COL6A1: variants seen among roughly 807,000 people sequenced by gnomAD.
COL6A1 encodes the protein collagen alpha-1(VI) chain.
COL6A1 carries 80 observed loss-of-function variants against 145.6 expected under a neutral mutation model. The ratio of observed to expected loss-of-function variants is 0.55; its 90% CI spans 0.46 to 0.66. The LOEUF (loss-of-function observed/expected upper bound fraction) is 0.66. Ranked by LOEUF, COL6A1 falls within the 30% of genes least tolerant of loss-of-function variation. COL6A1 has a pLI of 0.00. For synonymous variants in COL6A1, 638 were observed against 622.8 expected, an observed-to-expected ratio of 1.02 and a Z score of -0.36; for missense variants, 1,364 against 1,473.8, an observed-to-expected ratio of 0.93 and a Z score of 1.22.
At chr21:45,993,817 G>T (rs888204931) in intron 19 of COL6A1, among the ~76,000 whole-genome samples, 18 of 152,350 alleles carry the variant, frequency 1.2e-4, no homozygotes, top group African/African-American at 4.3e-4. Context: ...CCCAGAGGAA[G>T]GGCCAGCCAC....
chr21:45,998,289 GA>G (rs1289568375), intron 23 of COL6A1, 108 bp from the exon 24 acceptor site: 6 of 1,586,814 alleles, frequency 3.8e-6, no homozygotes, highest in Non-Finnish European at 5.2e-6. Flanking sequence ...GCTGGCCCAG[GA>G]ATTCCATGGC....
rs375831680 is a variant in COL6A1, at chr21:46,003,636, G to A, written c.2710G>A (p.Val904Ile). 4.2e-5 allele frequency: 68 copies of A among 1,613,042 alleles called. No homozygotes were observed. The highest frequency in any genetic ancestry group is 4.9e-5 in the Non-Finnish European group (58 of 1,179,944). The change falls in exon 35 of 35, where the codon GTC becomes ATC. Residue 904 changes from valine (V) to isoleucine (I), a missense_variant. By Grantham distance (29) the Val-to-Ile change is conservative (BLOSUM62 3). This residue lies in a region of COL6A1 where 938 missense variants were observed against 1,003.8 expected (regional missense o/e 0.93). Coordinates refer to ENST00000361866, the MANE Select transcript of COL6A1 (RefSeq NM_001848.3). ...GAACTACACGGCCCTGGCCAGTGCC[G>A]TCGATGCCATGGACTTTATCAACGA... ...LQNYTALASA[V>I]DAMDFINDAT...
At chr21:45,996,097 C>T (rs2077803267) in intron 20 of COL6A1, among the ~76,000 whole-genome samples, 1 of 152,228 alleles carries the variant, frequency 6.6e-6, no homozygotes, top group South Asian at 2.1e-4. Context: ...CAGAAACTGC[C>T]CAGTCTGGCC....
intron 30 of COL6A1, 122 bp downstream of exon 30, chr21:46,001,508 T>C: frequency 5.2e-6 from 7 of 1,348,782 alleles, no homozygotes; most frequent in Non-Finnish European, 7.3e-6. Context: ...ACTTCCCTAC[T>C]CATGACAAGG....
chr21:45,981,987 T>G, intron 1 of COL6A1, 40 bp downstream of exon 1: 1 of 1,498,430 alleles, frequency 6.7e-7, no homozygotes, highest in Non-Finnish European at 9.2e-7. Context: ...GACCCCCCGC[T>G]CTTTGCTGCC....
At chr21:46,003,261 C>G in intron 34 of COL6A1, 112 bp downstream of exon 34, 1 of 1,603,150 alleles carries the variant, frequency 6.2e-7, no homozygotes, top group South Asian at 1.1e-5. Context: ...AGAGTAGGTG[C>G]ATGGCTCACT....
chr21:45,999,057 T>G (rs983976215), intron 25 of COL6A1, 96 bp from the exon 26 acceptor site: 63 of 1,542,512 alleles, frequency 4.1e-5, no homozygotes, highest in Admixed American at 3.3e-4. Context: ...TGGGGAGGCC[T>G]CATGGGCCCC....
chr21:45,984,099 G>T (rs1015450570), intron 2 of COL6A1, among the ~76,000 whole-genome samples, 170 bp from the exon 3 acceptor site: 3 of 152,224 alleles, frequency 2.0e-5, no homozygotes, highest in East Asian at 1.9e-4. Context: ...ACACCCGCCT[G>T]CACAGCCTTC....
Position 46,002,884 on chromosome 21 carries a change from G to A in COL6A1, c.2434+174G>A, listed in dbSNP as rs557099967. Among the ~76,000 whole-genome samples the A allele has an allele frequency of 5.7e-4, 86 of 151,398 alleles. No individual in the cohort carries two copies. The East Asian group carries it at 0.014, about 25-fold the overall frequency. On this transcript the variant is annotated intron_variant, in intron 33 of 34. Transcript: ENST00000361866. The stretch of plus-strand genomic sequence containing the variant: ...CAGATCTGTGTAGGTGCGCGCAGGC[G>A]CCCAGGGCTGTCCCAGAGGCCTCCT...
intron 3 of COL6A1, among the ~76,000 whole-genome samples, chr21:45,984,949 C>G (rs181684258): frequency 6.2e-5 from 9 of 144,564 alleles, no homozygotes; most frequent in Admixed American, 6.1e-4. Context: ...GAGACAGAAA[C>G]AGGGACAGAG....
In COL6A1 at chr21:45,987,022, G is replaced by A. The variant is rs199842980; in HGVS notation, c.667G>A (p.Asp223Asn). ...GGCGGCTGACTGGGGCCAGAGCCGC[G>A]ACGCAGAGGAGGCCATCAGCCAGAC... Reference protein sequence around the residue: ...FTAADWGQSRDAEEAISQTID... With the variant: ...FTAADWGQSRNAEEAISQTID... Residue 223 changes from aspartate (D) to asparagine (N), a missense_variant, in exon 5 of 35, where the codon GAC becomes AAC. By Grantham distance (23) the Asp-to-Asn change is conservative. Around this residue, in one of 3 missense-constraint regions of COL6A1, gnomAD observed 414 missense variants for 437.6 expected, o/e 0.95. Coordinates refer to ENST00000361866, the MANE Select transcript of COL6A1 (RefSeq NM_001848.3). 1.2e-4 allele frequency: 183 copies of A among 1,551,448 alleles called. No homozygotes were observed. In the East Asian group the frequency reaches 1.2e-3, roughly 11 times the overall value.
chr21:45,989,680 G>T (rs1313512016), intron 10 of COL6A1, 28 bp downstream of exon 10: 3 of 1,613,122 alleles, frequency 1.9e-6, no homozygotes, highest in African/African-American at 1.3e-5. Context: ...CCTGGCCCGA[G>T]CCCGGTGGTG....
rs1003735307 is a variant in COL6A1, at chr21:45,989,662, C to CT, written c.903+10_903+11insT. On this transcript the variant is annotated intron_variant, in intron 10 of 34. Transcript: ENST00000361866. ...GTACCAGGGAATGAAGGTACGTGCCCCCCCTTTCCTGGCCCGAGCCCGGTG... is the reference window on the plus strand; with the variant it reads ...GTACCAGGGAATGAAGGTACGTGCCCTCCCCTTTCCTGGCCCGAGCCCGGTG... The CT allele has an allele frequency of 6.2e-7, 1 of 1,613,042 alleles. No individual in the cohort carries two copies. The highest frequency in any genetic ancestry group is 8.5e-7 in the Non-Finnish European group (1 of 1,179,990).
rs2276256 is a variant in COL6A1, at chr21:45,997,781, G to A, written c.1524+19G>A. 1.5e-4 allele frequency: 238 copies of A among 1,569,856 alleles called. No individual in the cohort carries two copies. Among genetic ancestry groups the A allele is most frequent in the Non-Finnish European group, 1.9e-4 (223 of 1,157,930 alleles). ...TGAAAGGGTGAGTGTCCAACAGCTC[G>A]GGCCCTAGGGCGGAGGCCTGGCCGC... On this transcript the variant is annotated intron_variant, in intron 22 of 34. Transcript: ENST00000361866.
intron 9 of COL6A1, 33 bp from the exon 10 acceptor site, chr21:45,989,575 G>T (rs201911843): frequency 6.2e-7 from 1 of 1,609,306 alleles, no homozygotes; most frequent in Non-Finnish European, 8.5e-7. Context: ...CTGCTCCTCC[G>T]GGGGTGTCTC....
Position 45,998,942 on chromosome 21 carries a change from G to A in COL6A1, c.1657G>A (p.Gly553Arg), listed in dbSNP as rs2077822326. The A allele has an allele frequency of 2.6e-6, 4 of 1,554,994 alleles. No homozygotes were observed. Among genetic ancestry groups the A allele is most frequent in the Non-Finnish European group, 2.6e-6 (3 of 1,148,750 alleles). ...CCTCAAGGGGGACGAGGGAGAAGCCGGGGACCCCGGAGACGATGTAAGTGT... is the reference window on the plus strand; with the variant it reads ...CCTCAAGGGGGACGAGGGAGAAGCCAGGGACCCCGGAGACGATGTAAGTGT... ...PGLKGDEGEA[G>R]DPGDDNNDIA... Residue 553 changes from glycine (G) to arginine (R), a missense_variant, in exon 25 of 35, where the codon GGG (glycine) becomes AGG (arginine). Around this residue, in one of 3 missense-constraint regions of COL6A1, gnomAD observed 938 missense variants for 1,003.8 expected, o/e 0.93. Coordinates refer to ENST00000361866, the MANE Select transcript of COL6A1 (RefSeq NM_001848.3).
At chr21:45,990,201 C>G in intron 11 of COL6A1, 57 bp from the exon 12 acceptor site, 2 of 1,606,996 alleles carry the variant, frequency 1.2e-6, no homozygotes, top group South Asian at 1.1e-5. Flanking sequence ...CTAAGCCAGG[C>G]TTGCCCTGCC....
chr21:45,992,296 A>G, intron 17 of COL6A1, 67 bp from the exon 18 acceptor site: 1 of 1,613,458 alleles, frequency 6.2e-7, no homozygotes, highest in Non-Finnish European at 8.5e-7. Flanking sequence ...GGTCTACTCC[A>G]CGTCCCTGAG....
Position 45,981,967 on chromosome 21 carries a change from G to A in COL6A1, c.97+20G>A, listed in dbSNP as rs114178849. 4,080 of 1,567,822 alleles carry A rather than the reference G, an allele frequency of 2.6e-3. 67 individuals are homozygous for A. The African/African-American group carries it at 0.04, about 15-fold the overall frequency. On this transcript the variant is annotated intron_variant, in intron 1 of 34. Transcript: ENST00000361866. ...TCCAGGGTGAGTGGTGGCTTGGGGT[G>A]CAGGCTCCAGACCCCCCGCTCTTTG...
Sources: allele counts gnomAD v4.1 joint callset (sites outside exome capture counted in the v4.1 genomes callset), GRCh38; gene constraint gnomAD v4.1.1; regional missense constraint gnomAD v4.1.1; transcripts MANE v1.5; gene names NCBI Gene and HGNC (gene_info 2026-07-23, HGNC 2026-07-21).